Variants in UGT1A8 observed in about 807,000 individuals in gnomAD.
UGT1A8 encodes the protein UDP-glucuronosyltransferase 1A8.
In UGT1A8, 39 loss-of-function variants were observed where a neutral mutation model predicts 45.3. The ratio of observed to expected loss-of-function variants is 0.86; its 90% CI spans 0.67 to 1.12. The LOEUF (loss-of-function observed/expected upper bound fraction) is 1.12. UGT1A8 is among the 50% of genes most tolerant of loss of function. The pLI, the probability that UGT1A8 is intolerant of heterozygous loss-of-function variation, is 0.00. For missense variants in UGT1A8, 719 were observed against 664.9 expected, an observed-to-expected ratio of 1.08 and a Z score of -0.90; for synonymous variants, 275 against 249.2, an observed-to-expected ratio of 1.10 and a Z score of -0.97.
chr2:233,627,624 T>TCTTCCCTC (rs2073108473), intron 1 of UGT1A8, among the ~76,000 whole-genome samples: 1 of 111,934 alleles, frequency 8.9e-6, no homozygotes, highest in Admixed American at 9.8e-5. Context: ...TTCCTTCCTT[T>TCTTCCCTC]CTTCCTTCCT....
At chr2:233,748,103 A>G in intron 1 of UGT1A8, 1 of 1,612,606 alleles carries the variant, frequency 6.2e-7, no homozygotes, top group Non-Finnish European at 8.5e-7. Context: ...CCTTCATCCA[A>G]TCAATGTTCC....
intron 1 of UGT1A8, among the ~76,000 whole-genome samples, chr2:233,649,644 T>G (rs1027129667): frequency 6.6e-6 from 1 of 152,246 alleles, no homozygotes; most frequent in African/African-American, 2.4e-5. Context: ...AATAATTGCA[T>G]AAAAGTCTTT....
intron 1 of UGT1A8, among the ~76,000 whole-genome samples, chr2:233,669,606 G>T (rs2074140818): frequency 6.6e-6 from 1 of 152,034 alleles, no homozygotes; most frequent in South Asian, 2.1e-4. Flanking sequence ...TAGTACATTT[G>T]ACCCTTGAAG....
intron 1 of UGT1A8, among the ~76,000 whole-genome samples, chr2:233,766,739 C>T (rs1028534873): frequency 6.6e-6 from 1 of 152,120 alleles, no homozygotes; most frequent in East Asian, 1.9e-4. Context: ...TGTGTATGTA[C>T]AGGTGTGTGC....
At chr2:233,748,721 A>G (rs555676494) in intron 1 of UGT1A8, among the ~76,000 whole-genome samples, 1 of 151,762 alleles carries the variant, frequency 6.6e-6, no homozygotes, top group East Asian at 1.9e-4. Context: ...CTGGTGCATG[A>G]TGTGGGGACA....
rs1425309008 is a variant in UGT1A8, at chr2:233,641,583, T to A, written c.855+23021T>A. 2.6e-5 allele frequency among the ~76,000 whole-genome samples: 4 copies of A among 152,240 alleles called. No individual in the cohort carries two copies. The South Asian group carries it at 8.3e-4, about 32-fold the overall frequency. On this transcript the variant is annotated intron_variant, in intron 1 of 4. Transcript: ENST00000373450. ...TTATAATATTCTGTGTATTTCTGTG[T>A]ACTTACTATTACCAGTGAGTTTTGT...
At chr2:233,629,232 T>A (rs1371277554) in intron 1 of UGT1A8, among the ~76,000 whole-genome samples, 1 of 152,174 alleles carries the variant, frequency 6.6e-6, no homozygotes, top group Admixed American at 6.5e-5. Context: ...CATTTTGTGA[T>A]TAGCTTAGTT....
intron 1 of UGT1A8, chr2:233,717,714 T>C: frequency 2.2e-6 from 1 of 453,348 alleles, no homozygotes; most frequent in South Asian, 1.6e-5. Context: ...ACGAGCCTCA[T>C]GGGCATGAGA....
At chr2:233,620,380 C>T (rs1438719597) in intron 1 of UGT1A8, among the ~76,000 whole-genome samples, 1 of 152,180 alleles carries the variant, frequency 6.6e-6, no homozygotes, top group Non-Finnish European at 1.5e-5. Context: ...GCACCCTACA[C>T]CCTTTGGCCG....
rs548391374 is a variant in UGT1A8 at position 233,743,280 on chromosome 2, T to C, written c.856-23754T>C. The C allele has an allele frequency of 1.0e-5, 5 of 493,342 alleles. No homozygotes were observed. In the East Asian group the frequency reaches 3.5e-4, roughly 34 times the overall value. The allele number at this position is 493,342 out of a possible 1,614,324, so 30.6% of individuals were successfully genotyped here. The stretch of plus-strand genomic sequence containing the variant: ...CATCTTCCTCCACTTCCACCCTTTC[T>C]TGGCCATTCTCAATGATTCTCTTGG... On this transcript the variant is annotated intron_variant, in intron 1 of 4. Coordinates refer to ENST00000373450, the MANE Select transcript of UGT1A8 (RefSeq NM_019076.5).
chr2:233,641,323 T>G (rs761879962), intron 1 of UGT1A8, among the ~76,000 whole-genome samples: 4 of 152,186 alleles, frequency 2.6e-5, no homozygotes, highest in Non-Finnish European at 5.9e-5. Context: ...CTTATAAACC[T>G]TATTTTAACC....
chr2:233,654,155 T>A lies in UGT1A8; in HGVS notation c.855+35593T>A, dbSNP rs182693186. Reference sequence around the variant, plus strand: ...CAAATTGTAAAAATAATGCTGACAATTTAACCTTGTGAAAAAACCTAAAAA... The same window carrying A: ...CAAATTGTAAAAATAATGCTGACAAATTAACCTTGTGAAAAAACCTAAAAA... On this transcript the variant is annotated intron_variant, in intron 1 of 4. Transcript: ENST00000373450. Among the ~76,000 whole-genome samples, 441 of 152,248 alleles carry A rather than the reference T, an allele frequency of 2.9e-3. 3 individuals are homozygous for A. The highest frequency in any genetic ancestry group is 4.3e-3 in the Non-Finnish European group (294 of 68,016).
chr2:233,740,135 G>C (rs1178370483), intron 1 of UGT1A8, among the ~76,000 whole-genome samples: 1 of 151,806 alleles, frequency 6.6e-6, no homozygotes, highest in African/African-American at 2.4e-5. Context: ...TGTCATGATT[G>C]TAAGTTTCCT....
chr2:233,741,695 G>A (rs565346181), intron 1 of UGT1A8: 1 of 152,016 alleles, frequency 6.6e-6, no homozygotes, highest in East Asian at 1.9e-4. Flanking sequence ...ATTACATGCA[G>A]AGTGGACTCT....
chr2:233,684,163 C>G (rs1051297067), intron 1 of UGT1A8, among the ~76,000 whole-genome samples: 2 of 152,156 alleles, frequency 1.3e-5, no homozygotes, highest in South Asian at 4.1e-4. Context: ...CATTCTCTCT[C>G]ATATTGGCAG....
At position 233,690,644 on chromosome 2, in the gene UGT1A8, G is replaced by A. The variant is rs1194432468; in HGVS notation, c.855+72082G>A. The A allele has an allele frequency of 2.3e-6, 3 of 1,287,608 alleles. No individual in the cohort carries two copies. In the Admixed American group the frequency reaches 6.9e-5, roughly 30 times the overall value. The allele number at this position is 1,287,608 out of a possible 1,614,324, so 79.8% of individuals were successfully genotyped here. The stretch of plus-strand genomic sequence containing the variant: ...CTCAAGTGATACCTGAGGACACCTT[G>A]ACTCCTACAGCACCAACCAGGGCAG... On this transcript the variant is annotated intron_variant, in intron 1 of 4. Coordinates refer to ENST00000373450, the MANE Select transcript of UGT1A8 (RefSeq NM_019076.5).
intron 1 of UGT1A8, among the ~76,000 whole-genome samples, chr2:233,656,193 C>A (rs1385264592): frequency 1.3e-5 from 2 of 152,202 alleles, no homozygotes; most frequent in African/African-American, 4.8e-5. Flanking sequence ...TTACATATGA[C>A]CCGTGTTCAC....
At chr2:233,691,382 C>A (rs986519990) in intron 1 of UGT1A8, 103 of 985,416 alleles carry the variant, frequency 1.0e-4, no homozygotes, top group Non-Finnish European at 1.2e-4. Context: ...GGTTATGTTC[C>A]CCATGGGGGC....
intron 1 of UGT1A8, among the ~76,000 whole-genome samples, chr2:233,727,122 G>A (rs188097836): frequency 6.6e-6 from 1 of 152,290 alleles, no homozygotes; most frequent in Non-Finnish European, 1.5e-5. Context: ...TGTGAGATTG[G>A]CAGAGGGGAA....
Sources: gnomAD v4.1 joint callset for allele counts (sites outside exome capture counted in the v4.1 genomes callset) on GRCh38, gnomAD v4.1.1 for gene constraint, MANE v1.5 for transcripts, NCBI Gene and HGNC (gene_info 2026-07-23, HGNC 2026-07-21) for gene names.